The following ARHGAP44 variants were observed in gnomAD, a reference collection of about 807,000 sequenced individuals.
ARHGAP44 encodes rho GTPase-activating protein 44.
Under a neutral mutation model 106.8 loss-of-function variants are expected in ARHGAP44, and 43 were observed. The ratio of observed to expected loss-of-function variants is 0.40; its 90% CI spans 0.32 to 0.52. The LOEUF (loss-of-function observed/expected upper bound fraction) is 0.52, where lower values mean the gene tolerates loss of function less well. Ranked by LOEUF, ARHGAP44 falls within the 20% of genes least tolerant of loss-of-function variation. The pLI, the probability that ARHGAP44 is intolerant of heterozygous loss-of-function variation, is 0.48. For missense variants in ARHGAP44, 866 were observed against 1,050.5 expected (o/e 0.82, Z 2.43); for synonymous variants, 439 against 410.3 (o/e 1.07, Z -0.85).
chr17:12,958,991 C>A lies in ARHGAP44; in HGVS notation c.1523+94C>A, dbSNP rs200062849. 4.5e-4 allele frequency: 630 copies of A among 1,390,406 alleles called. No individual in the cohort carries two copies. Among genetic ancestry groups the A allele is most frequent in the Non-Finnish European group, 5.8e-4 (584 of 1,010,476 alleles). 86.1% of individuals were successfully genotyped at this position (1,390,406 alleles called of 1,614,324 possible). On this transcript the variant is annotated intron_variant, in intron 16 of 20. Coordinates refer to ENST00000379672, the MANE Select transcript of ARHGAP44 (RefSeq NM_014859.6). The surrounding 1 kb of genome is among the most constrained non-coding windows in gnomAD (Gnocchi z 4.1). ...TAAGAAAAATACAATTACGGGAAGG[C>A]TGCACTGACTCTCAGCAGTTTAGGT...
At chr17:12,982,485 C>T (rs1463210725) in intron 19 of ARHGAP44, 2 of 152,146 alleles carry the variant, frequency 1.3e-5, no homozygotes, top group Non-Finnish European at 2.9e-5. Flanking sequence ...TACCTAGGGT[C>T]TCCACCTGCT....
chr17:12,913,512 C>T lies in ARHGAP44; in HGVS notation c.276-2388C>T, dbSNP rs529443744. Among the ~76,000 whole-genome samples, 123 of 151,642 alleles carry T rather than the reference C, an allele frequency of 8.1e-4. 1 individual carries two copies. The highest frequency in any genetic ancestry group is 2.0e-3 in the African/African-American group (83 of 41,470). On this transcript the variant is annotated intron_variant, in intron 4 of 20. Coordinates refer to ENST00000379672, the MANE Select transcript of ARHGAP44 (RefSeq NM_014859.6). ...TAAAGGGAGGGAGGGGAAATGGAAA[C>T]GGAAACATAGCTAAATTCTCATTTT...
intron 10 of ARHGAP44, among the ~76,000 whole-genome samples, chr17:12,948,909 C>T (rs1360383637): frequency 6.6e-6 from 1 of 152,194 alleles, no homozygotes; most frequent in Non-Finnish European, 1.5e-5. Flanking sequence ...TGAGCCACCC[C>T]TGCCTGAGGC....
At position 12,814,105 on chromosome 17, in the gene ARHGAP44, G is replaced by T. The variant is rs138423712; in HGVS notation, c.53+24214G>T. Among the ~76,000 whole-genome samples the T allele has an allele frequency of 4.3e-3, 648 of 151,456 alleles. 5 individuals are homozygous for T. The highest frequency in any genetic ancestry group is 6.4e-3 in the Non-Finnish European group (436 of 67,840). ...GCTTTCTTAATTCATCTCCCTTTTT[G>T]ATAAGCCTGAAATGTGTATGCTCTT... On this transcript the variant is annotated intron_variant, in intron 1 of 20. Transcript: ENST00000379672.
At chr17:12,841,594 T>TCTCTCTCTCTCTCTCTCTCACACACACA (rs1417307080) in intron 1 of ARHGAP44, among the ~76,000 whole-genome samples, 2 of 126,516 alleles carry the variant, frequency 1.6e-5, no homozygotes, top group African/African-American at 3.5e-5. Context: ...TGTCTCTCTC[T>TCTCTCTCTCTCTCTCTCTCACACACACA]CACACACACA....
chr17:12,908,210 T>TG (rs2037619064), intron 3 of ARHGAP44, among the ~76,000 whole-genome samples: 1 of 149,116 alleles, frequency 6.7e-6, no homozygotes, highest in Admixed American at 6.7e-5. Context: ...TTTTTTTTTT[T>TG]TTGGAGATGG....
intron 6 of ARHGAP44, among the ~76,000 whole-genome samples, 157 bp from the exon 7 acceptor site, chr17:12,928,772 C>T (rs1460793817): frequency 6.6e-6 from 1 of 152,198 alleles, no homozygotes; most frequent in Non-Finnish European, 1.5e-5. Context: ...CCACTGTCTC[C>T]TTGCCTAGTC....
At chr17:12,867,735 G>A (rs183324003) in intron 1 of ARHGAP44, among the ~76,000 whole-genome samples, 5 of 152,174 alleles carry the variant, frequency 3.3e-5, no homozygotes, top group African/African-American at 1.2e-4. Flanking sequence ...AGATATCAAG[G>A]AAAATAATGT....
At chr17:12,857,597 A>G (rs1450970717) in intron 1 of ARHGAP44, among the ~76,000 whole-genome samples, 1 of 152,118 alleles carries the variant, frequency 6.6e-6, no homozygotes, top group Non-Finnish European at 1.5e-5. Flanking sequence ...AGCACATGAA[A>G]GTTGGGGAAG....
chr17:12,839,533 C>T (rs896880744), intron 1 of ARHGAP44, among the ~76,000 whole-genome samples: 4 of 152,112 alleles, frequency 2.6e-5, no homozygotes, highest in Non-Finnish European at 5.9e-5. Context: ...GTCTCAGATA[C>T]CTTTTATGAT....
intron 1 of ARHGAP44, among the ~76,000 whole-genome samples, chr17:12,804,023 A>T (rs2034198012): frequency 6.6e-6 from 1 of 152,206 alleles, no homozygotes; most frequent in African/African-American, 2.4e-5. Flanking sequence ...CCAGGATGAT[A>T]GGGCATCCAA....
chr17:12,974,762 G>A (rs1162966063), intron 18 of ARHGAP44, among the ~76,000 whole-genome samples: 3 of 152,000 alleles, frequency 2.0e-5, no homozygotes, highest in Admixed American at 1.3e-4. Flanking sequence ...TATAAATTAG[G>A]CACAGTAGGA....
chr17:12,868,874 T>G (rs1488536828), intron 1 of ARHGAP44, among the ~76,000 whole-genome samples: 25 of 151,462 alleles, frequency 1.7e-4, no homozygotes, highest in Admixed American at 1.6e-3. Flanking sequence ...GCCAGGCTGG[T>G]CTGGAACTCC....
chr17:12,893,196 G>C (rs552593790), intron 1 of ARHGAP44, among the ~76,000 whole-genome samples: 1 of 152,238 alleles, frequency 6.6e-6, no homozygotes, highest in African/African-American at 2.4e-5. Context: ...TTGACCCTTC[G>C]AAGATGGAGG....
chr17:12,855,970 C>T (rs1181562251), intron 1 of ARHGAP44, among the ~76,000 whole-genome samples: 1 of 152,202 alleles, frequency 6.6e-6, no homozygotes, highest in Admixed American at 6.5e-5. Context: ...CAACACAAAA[C>T]CCTCAATCTG....
chr17:12,899,106 G>T lies in ARHGAP44; in HGVS notation c.198+2595G>T, dbSNP rs190078920. On this transcript the variant is annotated intron_variant, in intron 3 of 20. Transcript: ENST00000379672. The stretch of plus-strand genomic sequence containing the variant: ...CCACCTCAGCCTACTGGGTAGCTGG[G>T]ACTACAGGTGTGCGCCACCATGCCC... 1.5e-3 allele frequency among the ~76,000 whole-genome samples: 235 copies of T among 152,194 alleles called. 1 individual carries two copies. The highest frequency in any genetic ancestry group is 5.4e-3 in the African/African-American group (226 of 41,528).
At chr17:12,959,789 T>C (rs2039215388) in intron 16 of ARHGAP44, among the ~76,000 whole-genome samples, 1 of 152,178 alleles carries the variant, frequency 6.6e-6, no homozygotes, top group South Asian at 2.1e-4. Context: ...AGTGCTCCTT[T>C]AGGATAGATG....
chr17:12,882,306 T>A (rs979025986), intron 1 of ARHGAP44, among the ~76,000 whole-genome samples: 1 of 152,188 alleles, frequency 6.6e-6, no homozygotes, highest in Admixed American at 6.5e-5. Context: ...TTTGTTATAT[T>A]GATCTTGTAT....
At position 12,796,042 on chromosome 17, in the gene ARHGAP44, G is replaced by A. The variant is rs539846695; in HGVS notation, c.53+6151G>A. Among the ~76,000 whole-genome samples the A allele has an allele frequency of 5.3e-5, 8 of 151,892 alleles. No homozygotes were observed. In the East Asian group the frequency reaches 1.5e-3, roughly 29 times the overall value. ...TATGGTAGAAAAATCATAAACTTAT[G>A]GATGGGCTAAAAGGAAAAAAAAATC... is the stretch of plus-strand genomic sequence containing the variant. On this transcript the variant is annotated intron_variant, in intron 1 of 20. Coordinates refer to ENST00000379672, the MANE Select transcript of ARHGAP44 (RefSeq NM_014859.6).
Sources: gnomAD v4.1 joint callset for allele counts (sites outside exome capture counted in the v4.1 genomes callset) on GRCh38, gnomAD v4.1.1 for gene constraint, Gnocchi (gnomAD v3.1) non-coding constraint, MANE v1.5 for transcripts, NCBI Gene and HGNC (gene_info 2026-07-23, HGNC 2026-07-21) for gene names.